The following CATSPERE variants were observed in gnomAD, a reference collection of about 807,000 sequenced individuals.
The protein encoded by CATSPERE is cation channel sperm-associated auxiliary subunit epsilon.
A neutral mutation model predicts 114.1 loss-of-function variants in CATSPERE; 93 were observed. The observed-to-expected ratio is 0.81, with a 90% CI of 0.69 to 0.97. The LOEUF (loss-of-function observed/expected upper bound fraction) is 0.97. Ranked by LOEUF, CATSPERE falls within the 50% of genes least tolerant of loss-of-function variation. CATSPERE has a pLI of 0.00. For missense variants in CATSPERE, 1,058 were observed against 1,131.6 expected (o/e 0.93, Z 0.93); for synonymous variants, 341 against 384.1 (o/e 0.89, Z 1.31).
At chr1:244,463,646 C>CAA (rs35832545) in intron 1 of CATSPERE, among the ~76,000 whole-genome samples, 7 of 116,814 alleles carry the variant, frequency 6.0e-5, no homozygotes, top group Non-Finnish European at 1.2e-4. Flanking sequence ...TTTCATCTTA[C>CAA]AAAAAAAAAA....
At position 244,474,074 on chromosome 1, in the gene CATSPERE, C is replaced by T. The variant is rs559848814; in HGVS notation, c.115-3467C>T. On this transcript the variant is annotated intron_variant, in intron 2 of 21. Coordinates refer to ENST00000366534, the MANE Select transcript of CATSPERE (RefSeq NM_001130957.2). ...TGAGATGGAGTCCCGCCCTGTCACCCAGACTGGATTGCAATGGCGTGATCT... is the reference window on the plus strand; with the variant it reads ...TGAGATGGAGTCCCGCCCTGTCACCTAGACTGGATTGCAATGGCGTGATCT... Among the ~76,000 whole-genome samples, 57 of 152,106 alleles carry T rather than the reference C, an allele frequency of 3.7e-4. 1 individual carries two copies. The South Asian group carries it at 7.9e-3, about 21-fold the overall frequency.
rs534417512 is a variant in CATSPERE, at chr1:244,587,971, G to T, written c.2086-511G>T. Among the ~76,000 whole-genome samples, 7 of 152,232 alleles carry T rather than the reference G, an allele frequency of 4.6e-5. 1 individual carries two copies. In the South Asian group the frequency reaches 1.4e-3, roughly 32 times the overall value. ...GCACTTTGGGAGGCAGAGGCAGGTG[G>T]ATCACATGAGGTCAGGAATTTGAGA... On this transcript the variant is annotated intron_variant, in intron 13 of 21. Coordinates refer to ENST00000366534, the MANE Select transcript of CATSPERE (RefSeq NM_001130957.2).
At chr1:244,601,671 G>A (rs1669233138) in intron 17 of CATSPERE, among the ~76,000 whole-genome samples, 1 of 152,156 alleles carries the variant, frequency 6.6e-6, no homozygotes, top group African/African-American at 2.4e-5. Flanking sequence ...AAAGCAGGGA[G>A]GGCCGGGCGC....
At chr1:244,514,255 C>T (rs1676223741) in intron 7 of CATSPERE, among the ~76,000 whole-genome samples, 2 of 152,120 alleles carry the variant, frequency 1.3e-5, no homozygotes, top group South Asian at 4.1e-4. Context: ...TGATAATGCC[C>T]AACAACTTGG....
At chr1:244,527,090 T>G (rs1032553251) in intron 8 of CATSPERE, among the ~76,000 whole-genome samples, 2 of 152,170 alleles carry the variant, frequency 1.3e-5, no homozygotes, top group Non-Finnish European at 2.9e-5. Context: ...TGAAGTTTCA[T>G]GTCCAACTGG....
intron 7 of CATSPERE, among the ~76,000 whole-genome samples, chr1:244,512,834 T>C (rs1327440394): frequency 3.0e-4 from 46 of 152,226 alleles, no homozygotes; most frequent in Admixed American, 3.0e-3. Context: ...CATGATTTCT[T>C]CAGCTATATA....
chr1:244,577,999 A>T (rs1665547098), intron 11 of CATSPERE, among the ~76,000 whole-genome samples: 1 of 152,228 alleles, frequency 6.6e-6, no homozygotes, highest in Non-Finnish European at 1.5e-5. Context: ...GACTGGATTG[A>T]TAATGTACCA....
chr1:244,534,290 A>G (rs1680042997), intron 8 of CATSPERE, among the ~76,000 whole-genome samples: 1 of 152,014 alleles, frequency 6.6e-6, no homozygotes, highest in South Asian at 2.1e-4. Flanking sequence ...CTTGTACCGA[A>G]TATTGATGTC....
chr1:244,524,879 A>C lies in CATSPERE; in HGVS notation c.536+6181A>C, dbSNP rs1463401828. Among the ~76,000 whole-genome samples the C allele has an allele frequency of 2.0e-5, 3 of 146,872 alleles. 1 individual carries two copies. The highest frequency in any genetic ancestry group is 3.0e-5 in the Non-Finnish European group (2 of 67,306). On this transcript the variant is annotated intron_variant, in intron 8 of 21. Coordinates refer to ENST00000366534, the MANE Select transcript of CATSPERE (RefSeq NM_001130957.2). Reference sequence around the variant, plus strand: ...GATGTGGAGAAATAGGAACACTTTTACACTGTTGGTGGGACTGTAAACTAG... The same window carrying C: ...GATGTGGAGAAATAGGAACACTTTTCCACTGTTGGTGGGACTGTAAACTAG...
intron 20 of CATSPERE, among the ~76,000 whole-genome samples, chr1:244,625,590 G>A (rs1268775103): frequency 5.4e-5 from 8 of 149,142 alleles, no homozygotes; most frequent in African/African-American, 1.2e-4. Flanking sequence ...CACCATGCCC[G>A]GCTAATTTTT....
chr1:244,476,744 G>A (rs1036835709), intron 2 of CATSPERE, among the ~76,000 whole-genome samples: 9 of 152,214 alleles, frequency 5.9e-5, no homozygotes, highest in African/African-American at 2.2e-4. Flanking sequence ...ATGTTAGAAA[G>A]TGAATTGGTA....
intron 20 of CATSPERE, among the ~76,000 whole-genome samples, chr1:244,626,234 C>T (rs184811434): frequency 6.6e-6 from 1 of 152,190 alleles, no homozygotes; most frequent in African/African-American, 2.4e-5. Flanking sequence ...CGCCTGTAAT[C>T]CCAGCACTTT....
Position 244,518,705 on chromosome 1 carries a change from A to G in CATSPERE, c.536+7A>G. 4 of 1,353,892 alleles carry G rather than the reference A, an allele frequency of 3.0e-6. No individual in the cohort carries two copies. Among genetic ancestry groups the G allele is most frequent in the Non-Finnish European group, 3.1e-6 (3 of 981,938 alleles). The allele number at this position is 1,353,892 out of a possible 1,614,324, so 83.9% of individuals were successfully genotyped here. A position where few individuals can be genotyped will look rare whatever the true frequency, so the allele number is the denominator to read the frequency against. On this transcript the variant is annotated splice_region_variant and intron_variant, in intron 8 of 21. Coordinates refer to ENST00000366534, the MANE Select transcript of CATSPERE (RefSeq NM_001130957.2). ...ATGAGAAAATGAGAAGGGGGTATTTAATTTTTTTTAATTTTAAATATAGAA... is the reference window on the plus strand; with the variant it reads ...ATGAGAAAATGAGAAGGGGGTATTTGATTTTTTTTAATTTTAAATATAGAA...
Position 244,591,693 on chromosome 1 carries a change from A to T in CATSPERE, c.2151A>T (p.Lys717Asn), listed in dbSNP as rs528667557. 5 of 1,512,812 alleles carry T rather than the reference A, an allele frequency of 3.3e-6. No individual in the cohort carries two copies. The Admixed American group carries it at 9.2e-5, about 28-fold the overall frequency. 93.7% of individuals were successfully genotyped at this position (1,512,812 alleles called of 1,614,324 possible). The change falls in exon 15 of 22, where the codon AAA (lysine) becomes AAT (asparagine). Residue 717 changes from lysine to asparagine, a missense_variant. Coordinates refer to ENST00000366534, the MANE Select transcript of CATSPERE (RefSeq NM_001130957.2). The stretch of plus-strand genomic sequence containing the variant: ...TTGTCTTTTGTAGATTTAGTAAAAA[A>T]GGATGTCATCACCATGATTTTTCAT... ...KFIAIKGFSK[K>N]GCHHHDFSYV...
chr1:244,497,727 G>T (rs1298936701), intron 6 of CATSPERE, among the ~76,000 whole-genome samples: 2 of 152,200 alleles, frequency 1.3e-5, no homozygotes, highest in African/African-American at 4.8e-5. Flanking sequence ...AACCCAGGAG[G>T]TGGAGGTTGC....
chr1:244,489,450 ATTTTTTTTTTTTTTTTT>A (rs10524749), intron 5 of CATSPERE, among the ~76,000 whole-genome samples: 1 of 85,542 alleles, frequency 1.2e-5, no homozygotes, highest in Admixed American at 1.6e-4. Flanking sequence ...AAGCATGCAG[ATTTTTTTTTTTTTTTTT>A]TTTTTTTTTT....
At chr1:244,610,103 C>T (rs1436852279) in intron 18 of CATSPERE, 137 bp from the exon 19 acceptor site, 1 of 600,400 alleles carries the variant, frequency 1.7e-6, no homozygotes, top group African/African-American at 1.9e-5. Flanking sequence ...AATTATTCCT[C>T]TGTATACCAG....
At chr1:244,466,358 G>A (rs980818653) in intron 2 of CATSPERE, among the ~76,000 whole-genome samples, 1 of 152,142 alleles carries the variant, frequency 6.6e-6, no homozygotes, top group African/African-American at 2.4e-5. Context: ...TTGCTTTGCA[G>A]AACAGCTTGC....
chr1:244,480,527 C>G (rs1558335796), intron 5 of CATSPERE, among the ~76,000 whole-genome samples: 1 of 147,912 alleles, frequency 6.8e-6, no homozygotes, highest in Non-Finnish European at 1.5e-5. Flanking sequence ...CGTATATGGT[C>G]TAACTACAAA....
Sources: gnomAD v4.1 joint callset for allele counts (sites outside exome capture counted in the v4.1 genomes callset) on GRCh38, gnomAD v4.1.1 for gene constraint, MANE v1.5 for transcripts, NCBI Gene and HGNC (gene_info 2026-07-23, HGNC 2026-07-21) for gene names.